The following CD209 variants were observed in gnomAD, a reference collection of about 807,000 sequenced individuals.
CD209 encodes CD209 antigen.
Under a neutral mutation model 44.7 loss-of-function variants are expected in CD209, and 31 were observed. The ratio of observed to expected loss-of-function variants is 0.69; its 90% CI spans 0.52 to 0.94. The LOEUF (loss-of-function observed/expected upper bound fraction) is 0.94. Among genes scored for constraint, CD209 ranks in the 40% least tolerant of loss-of-function variants. The pLI is 0.00. For synonymous variants in CD209, 173 were observed against 181.3 expected, an observed-to-expected ratio of 0.95 and a Z score of 0.37; for missense variants, 407 against 452.4, an observed-to-expected ratio of 0.90 and a Z score of 0.91.
intron 3 of CD209, 85 bp downstream of exon 3, chr19:7,746,374 TC>T (rs1355617315): frequency 1.4e-6 from 2 of 1,453,328 alleles, no homozygotes; most frequent in Non-Finnish European, 1.9e-6. Context: ...CAGTCCCACC[TC>T]CCTCCCAGAT....
chr19:7,745,330 A>C (rs2033769481), intron 4 of CD209, among the ~76,000 whole-genome samples, 188 bp downstream of exon 4: 1 of 152,172 alleles, frequency 6.6e-6, no homozygotes, highest in South Asian at 2.1e-4. Flanking sequence ...AGAAGGCAGG[A>C]GACTGGCTTA....
chr19:7,743,248 G>A lies in CD209; in HGVS notation c.1014-8C>T, dbSNP rs765057843. 10 of 1,612,516 alleles carry A rather than the reference G, an allele frequency of 6.2e-6. No individual in the cohort carries two copies. The highest frequency in any genetic ancestry group is 2.7e-5 in the African/African-American group (2 of 75,006). On this transcript the variant is annotated splice_polypyrimidine_tract_variant and splice_region_variant and intron_variant, in intron 6 of 6. Transcript: ENST00000315599. Reference sequence around the variant, plus strand: ...TTCCAATACTGCTTGAAGCTGCAAAGCCCATGCGGAATGTGAGCCTCTGTC... The same window carrying A: ...TTCCAATACTGCTTGAAGCTGCAAAACCCATGCGGAATGTGAGCCTCTGTC...
rs201653870 is a variant in CD209 at position 7,744,087 on chromosome 19, G to A, written c.1013+20C>T. The A allele has an allele frequency of 2.1e-5, 33 of 1,567,826 alleles. 1 individual carries two copies. The Middle Eastern group carries it at 1.0e-3, about 48-fold the overall frequency. Reference sequence around the variant, plus strand: ...CACAATTCCAGCCCCAGTGGATAGGGTGCCCCTTCTGAGATCTACCTGGGC... The same window carrying A: ...CACAATTCCAGCCCCAGTGGATAGGATGCCCCTTCTGAGATCTACCTGGGC... On this transcript the variant is annotated intron_variant, in intron 6 of 6. Coordinates refer to ENST00000315599, the MANE Select transcript of CD209 (RefSeq NM_021155.4).
rs2033827687 is a variant in CD209, at chr19:7,746,455, CT to C, written c.178+4del. On this transcript the variant is annotated splice_donor_region_variant and intron_variant, in intron 3 of 6. Coordinates refer to ENST00000315599, the MANE Select transcript of CD209 (RefSeq NM_021155.4). ...GACCCCAGACCCTCAGAACCTGCCC[CT>C]GACCTTGGACAAGGAGCCCAGCCAA... 8.7e-6 allele frequency: 14 copies of C among 1,613,742 alleles called. No individual in the cohort carries two copies. Among genetic ancestry groups the C allele is most frequent in the Admixed American group, 1.7e-5 (1 of 59,986 alleles).
Position 7,742,828 on chromosome 19 carries a change from A to G in CD209, c.*211T>C. The G allele has an allele frequency of 1.7e-6, 1 of 593,756 alleles. No individual in the cohort carries two copies. Among genetic ancestry groups the G allele is most frequent in the East Asian group, 2.8e-5 (1 of 35,972 alleles). The allele number at this position is 593,756 out of a possible 1,614,324, so 36.8% of individuals were successfully genotyped here. A position where few individuals can be genotyped will look rare whatever the true frequency, so the allele number is the denominator to read the frequency against. ...TCTTGGAACACAAGTCCACCCCCAA[A>G]GGCATCCCACACCAGCTCACTCATA... On this transcript the variant is annotated 3_prime_UTR_variant, in exon 7 of 7. Coordinates refer to ENST00000315599, the MANE Select transcript of CD209 (RefSeq NM_021155.4).
At position 7,740,626 on chromosome 19, in the gene CD209, A is replaced by C; in HGVS notation, c.*2413T>G. The C allele has an allele frequency of 1.3e-6, 1 of 789,748 alleles. No individual in the cohort carries two copies. The highest frequency in any genetic ancestry group is 1.7e-5 in the Admixed American group (1 of 58,078). The allele number at this position is 789,748 out of a possible 1,614,324, so 48.9% of individuals were successfully genotyped here. Reference sequence around the variant, plus strand: ...ACTTTTATTGAAAAACAACAACTAGAAAAGCTATGGGGAAGAGAGAGGCAA... The same window carrying C: ...ACTTTTATTGAAAAACAACAACTAGCAAAGCTATGGGGAAGAGAGAGGCAA... On this transcript the variant is annotated 3_prime_UTR_variant, in exon 7 of 7. Coordinates refer to ENST00000315599, the MANE Select transcript of CD209 (RefSeq NM_021155.4).
chr19:7,742,823 C>A lies in CD209; in HGVS notation c.*216G>T. 1 of 591,544 alleles carries A rather than the reference C, an allele frequency of 1.7e-6. No homozygotes were observed. The highest frequency in any genetic ancestry group is 2.1e-5 in the South Asian group (1 of 47,718). 36.6% of individuals were successfully genotyped at this position (591,544 alleles called of 1,614,324 possible). ...TGGATTCTTGGAACACAAGTCCACC[C>A]CCAAAGGCATCCCACACCAGCTCAC... On this transcript the variant is annotated 3_prime_UTR_variant, in exon 7 of 7. Transcript: ENST00000315599.
chr19:7,743,470 A>G (rs2033684798), intron 6 of CD209, among the ~76,000 whole-genome samples: 1 of 151,970 alleles, frequency 6.6e-6, no homozygotes, highest in Non-Finnish European at 1.5e-5. Context: ...ATTTTCAAAT[A>G]CAAGCCAACC....
At chr19:7,746,264 C>G (rs1434076666) in intron 3 of CD209, among the ~76,000 whole-genome samples, 177 bp from the exon 4 acceptor site, 1 of 152,138 alleles carries the variant, frequency 6.6e-6, no homozygotes, top group Admixed American at 6.5e-5. Context: ...GAGCCAGATT[C>G]TTCCTGTCCT....
chr19:7,746,359 G>C, intron 3 of CD209, 101 bp downstream of exon 3: 1 of 1,335,428 alleles, frequency 7.5e-7, no homozygotes, highest in South Asian at 1.2e-5. Flanking sequence ...CAACATCTTG[G>C]CTCTCAGTCC....
chr19:7,747,255 G>C, intron 2 of CD209, 51 bp downstream of exon 2: 1 of 1,592,628 alleles, frequency 6.3e-7, no homozygotes, highest in Non-Finnish European at 8.6e-7. Flanking sequence ...TCAGGACCCA[G>C]GAGTCCAGGA....
At chr19:7,743,758 C>T (rs931377709) in intron 6 of CD209, among the ~76,000 whole-genome samples, 14 of 152,208 alleles carry the variant, frequency 9.2e-5, no homozygotes, top group African/African-American at 3.1e-4. Flanking sequence ...AGGTGGCCCC[C>T]AGCTGTGATG....
chr19:7,744,678 C>T (rs2033739620), intron 5 of CD209, among the ~76,000 whole-genome samples: 1 of 152,262 alleles, frequency 6.6e-6, no homozygotes, highest in Admixed American at 6.5e-5. Context: ...ACTTCTTCCT[C>T]CAGAGAGCTG....
At chr19:7,746,629 A>ACCCCAG (rs2033838833) in intron 2 of CD209, 98 bp from the exon 3 acceptor site, 1 of 1,241,976 alleles carries the variant, frequency 8.1e-7, no homozygotes, top group Non-Finnish European at 1.2e-6. Flanking sequence ...GGACCCAGGA[A>ACCCCAG]CCCCAGCCCC....
intron 4 of CD209, 126 bp downstream of exon 4, chr19:7,745,392 C>T (rs2033771856): frequency 6.4e-7 from 1 of 1,551,816 alleles, no homozygotes; most frequent in Non-Finnish European, 8.8e-7. Context: ...GGGCAATGAT[C>T]ACAGTTACCC....
chr19:7,745,008 T>C lies in CD209; in HGVS notation c.833A>G (p.His278Arg). Residue 278 changes from histidine (H) to arginine (R), a missense_variant, in exon 5 of 7, where the codon CAC (histidine) becomes CGC (arginine). Coordinates refer to ENST00000315599, the MANE Select transcript of CD209 (RefSeq NM_021155.4). ...YFMSNSQRNW[H>R]DSITACKEVG... ...TTCTTTGCAGGCGGTGATGGAGTCG[T>C]GCCAGTTCCGCTGGGAGTTAGACAT... is the stretch of plus-strand genomic sequence containing the variant. 6.2e-7 allele frequency: 1 copy of C among 1,614,218 alleles called. No individual in the cohort carries two copies. Among genetic ancestry groups the C allele is most frequent in the South Asian group, 1.1e-5 (1 of 91,086 alleles).
Position 7,741,769 on chromosome 19 carries a change from GT to G in CD209, c.*1269del, listed in dbSNP as rs2033622710. The G allele has an allele frequency of 1.8e-6, 1 of 546,722 alleles. No individual in the cohort carries two copies. The highest frequency in any genetic ancestry group is 1.9e-5 in the African/African-American group (1 of 51,840). The allele number at this position is 546,722 out of a possible 1,614,324, so 33.9% of individuals were successfully genotyped here. On this transcript the variant is annotated 3_prime_UTR_variant, in exon 7 of 7. Transcript: ENST00000315599. ...GAAAACACTGCAACTTTCTTCAGGT[GT>G]TGAGAAATCCAATAGAGACCTCTGC...
Position 7,742,864 on chromosome 19 carries a change from G to C in CD209, c.*175C>G, listed in dbSNP as rs1015642839. 2 of 615,366 alleles carry C rather than the reference G, an allele frequency of 3.3e-6. No individual in the cohort carries two copies. Among genetic ancestry groups the C allele is most frequent in the Non-Finnish European group, 5.7e-6 (2 of 349,812 alleles). 38.1% of individuals were successfully genotyped at this position (615,366 alleles called of 1,614,324 possible). On this transcript the variant is annotated 3_prime_UTR_variant, in exon 7 of 7. Transcript: ENST00000315599. ...ACCAGCTCACTCATAAAGCTCCAAGGATGGGCCAGAAAAACAAGCTCTACA... is the reference window on the plus strand; with the variant it reads ...ACCAGCTCACTCATAAAGCTCCAAGCATGGGCCAGAAAAACAAGCTCTACA...
chr19:7,742,896 G>A lies in CD209; in HGVS notation c.*143C>T, dbSNP rs745323407. The A allele has an allele frequency of 2.2e-4, 154 of 705,066 alleles. No individual in the cohort carries two copies. Among genetic ancestry groups the A allele is most frequent in the Middle Eastern group, 8.0e-4 (2 of 2,494 alleles). The allele number at this position is 705,066 out of a possible 1,614,324, so 43.7% of individuals were successfully genotyped here. On this transcript the variant is annotated 3_prime_UTR_variant, in exon 7 of 7. Coordinates refer to ENST00000315599, the MANE Select transcript of CD209 (RefSeq NM_021155.4). ...CAGAAAAACAAGCTCTACACCAGGG[G>A]AAATTGGAGGCATGACAAGAAGGAC...
Sources: allele counts gnomAD v4.1 joint callset (sites outside exome capture counted in the v4.1 genomes callset), GRCh38; gene constraint gnomAD v4.1.1; transcripts MANE v1.5; gene names NCBI Gene and HGNC (gene_info 2026-07-23, HGNC 2026-07-21).